Variants in ELF1 observed in about 807,000 individuals in gnomAD.
ELF1 encodes ETS-related transcription factor Elf-1.
ELF1 carries 24 observed loss-of-function variants against 59.9 expected under a neutral mutation model. The ratio of observed to expected loss-of-function variants is 0.40; its 90% CI spans 0.29 to 0.56. The LOEUF is 0.56. Among genes scored for constraint, ELF1 ranks in the 20% least tolerant of loss-of-function variants. ELF1 has a pLI of 0.44. For synonymous variants in ELF1, 248 were observed against 266.2 expected (o/e 0.93, Z 0.67); for missense variants, 627 against 742.2 (o/e 0.84, Z 1.80).
chr13:41,053,471 GTCAA>G (rs1365894754), intron 1 of ELF1, among the ~76,000 whole-genome samples: 1 of 152,136 alleles, frequency 6.6e-6, no homozygotes, highest in African/African-American at 2.4e-5. Flanking sequence ...TGGCAAGGGG[GTCAA>G]TCAATGATTC....
chr13:40,990,681 C>G (rs777263838), intron 1 of ELF1, among the ~76,000 whole-genome samples: 3 of 151,906 alleles, frequency 2.0e-5, no homozygotes, highest in Non-Finnish European at 4.4e-5. Flanking sequence ...ATAGTGAAAT[C>G]CCGTCTCTAC....
Position 40,993,477 on chromosome 13 carries a change from G to A in ELF1, c.-228-11195C>T, listed in dbSNP as rs1454954487. 3 of 573,624 alleles carry A rather than the reference G, an allele frequency of 5.2e-6. No homozygotes were observed. In the East Asian group the frequency reaches 9.0e-5, roughly 17 times the overall value. 35.5% of individuals were successfully genotyped at this position (573,624 alleles called of 1,614,324 possible). A position where few individuals can be genotyped will look rare whatever the true frequency, so the allele number is the denominator to read the frequency against. On this transcript the variant is annotated intron_variant, in intron 1 of 8. Transcript: ENST00000239882. ...CCAACTTAAGCACCCAGCGGGCGAGGAACTAGTTTTTATTTATTTTTTAGA... is the reference window on the plus strand; with the variant it reads ...CCAACTTAAGCACCCAGCGGGCGAGAAACTAGTTTTTATTTATTTTTTAGA...
chr13:41,028,248 C>A (rs540067656), intron 1 of ELF1, among the ~76,000 whole-genome samples: 1 of 152,272 alleles, frequency 6.6e-6, no homozygotes, highest in South Asian at 2.1e-4. Context: ...GGTGATTAAT[C>A]TAAACTAGGA....
At chr13:41,053,546 T>C in intron 1 of ELF1, among the ~76,000 whole-genome samples, 1 of 152,164 alleles carries the variant, frequency 6.6e-6, no homozygotes, top group East Asian at 1.9e-4. Context: ...TGACCCCAGA[T>C]GGCTGCTTCA....
intron 5 of ELF1, among the ~76,000 whole-genome samples, chr13:40,946,175 T>C (rs900936859): frequency 1.3e-5 from 2 of 152,222 alleles, no homozygotes; most frequent in Non-Finnish European, 2.9e-5. Flanking sequence ...TCCATTTGGT[T>C]CTTTATCATA....
chr13:40,993,286 G>T, intron 1 of ELF1: 2 of 1,570,248 alleles, frequency 1.3e-6, no homozygotes, highest in Non-Finnish European at 1.8e-6. Context: ...AGGCGCTTGA[G>T]ACACAGCAGG....
intron 3 of ELF1, among the ~76,000 whole-genome samples, chr13:40,954,101 G>A (rs1470183337): frequency 1.3e-5 from 2 of 152,194 alleles, no homozygotes; most frequent in Non-Finnish European, 2.9e-5. Flanking sequence ...AGATCAGACA[G>A]CAATGAATAG....
chr13:41,060,976 G>A (rs1392791422), exon 1 of ELF1: 16 of 298,690 alleles, frequency 5.4e-5, no homozygotes, highest in Admixed American at 1.4e-4. Context: ...CCGAGCTAGG[G>A]AACAAGCCCC....
At chr13:41,061,291 T>G in exon 1 of ELF1, 1 of 324,150 alleles carries the variant, frequency 3.1e-6, no homozygotes, top group Non-Finnish European at 5.9e-6. Context: ...GGATGGAGGT[T>G]TTGGGCCCCA....
chr13:40,961,718 ACTTTTC>A (rs1367913795), intron 2 of ELF1, among the ~76,000 whole-genome samples: 1 of 152,354 alleles, frequency 6.6e-6, no homozygotes, highest in African/African-American at 2.4e-5. Flanking sequence ...TTGTTAAAAC[ACTTTTC>A]CTTTTCTTCT....
At chr13:41,011,188 C>G (rs576218415) in intron 1 of ELF1, among the ~76,000 whole-genome samples, 7 of 152,278 alleles carry the variant, frequency 4.6e-5, no homozygotes, top group African/African-American at 1.7e-4. Context: ...GATGTTAATA[C>G]TATACTAATT....
intron 1 of ELF1, among the ~76,000 whole-genome samples, chr13:41,027,079 C>A (rs1407089493): frequency 5.9e-5 from 9 of 152,224 alleles, no homozygotes; most frequent in Non-Finnish European, 1.3e-4. Flanking sequence ...CTTAGGGCAG[C>A]ACACCCAGTT....
At chr13:40,985,688 T>C (rs1188023949) in intron 1 of ELF1, among the ~76,000 whole-genome samples, 1 of 152,130 alleles carries the variant, frequency 6.6e-6, no homozygotes, top group Non-Finnish European at 1.5e-5. Context: ...CAAAACTAAA[T>C]GCATCATCTA....
chr13:40,972,920 T>C (rs1319483768), intron 2 of ELF1, among the ~76,000 whole-genome samples: 1 of 152,174 alleles, frequency 6.6e-6, no homozygotes, highest in Non-Finnish European at 1.5e-5. Flanking sequence ...CCTAAGTCTT[T>C]AAATAATACA....
At chr13:41,053,849 T>C (rs1877189099) in intron 1 of ELF1, among the ~76,000 whole-genome samples, 1 of 152,104 alleles carries the variant, frequency 6.6e-6, no homozygotes, top group Non-Finnish European at 1.5e-5. Context: ...ATAAGTAGCG[T>C]AATATAAACC....
chr13:41,058,410 C>G (rs1471640745), intron 1 of ELF1, among the ~76,000 whole-genome samples: 1 of 152,208 alleles, frequency 6.6e-6, no homozygotes, highest in Non-Finnish European at 1.5e-5. Context: ...CTCTAGGTCT[C>G]TTCTCCAGTC....
At chr13:40,970,232 C>T (rs1356281562) in intron 2 of ELF1, among the ~76,000 whole-genome samples, 2 of 152,156 alleles carry the variant, frequency 1.3e-5, no homozygotes, top group African/African-American at 4.8e-5. Flanking sequence ...CTAGTTGATA[C>T]TCTAAAAGAG....
intron 3 of ELF1, among the ~76,000 whole-genome samples, chr13:40,955,978 G>T (rs1429627401): frequency 1.4e-5 from 2 of 138,486 alleles, no homozygotes; most frequent in African/African-American, 2.6e-5. Flanking sequence ...CCGGCCAGCC[G>T]CCCCGTCCAG....
intron 1 of ELF1, among the ~76,000 whole-genome samples, chr13:40,990,248 G>A (rs577793898): frequency 4.9e-4 from 75 of 152,164 alleles, no homozygotes; most frequent in African/African-American, 1.8e-3. Flanking sequence ...AATGCACTAA[G>A]CAAAACTACC....
Sources: allele counts gnomAD v4.1 joint callset (sites outside exome capture counted in the v4.1 genomes callset), GRCh38; gene constraint gnomAD v4.1.1; transcripts MANE v1.5; gene names NCBI Gene and HGNC (gene_info 2026-07-23, HGNC 2026-07-21).